Variants in NR2F1-AS1 observed in about 807,000 individuals in gnomAD.
NR2F1-AS1 encodes the protein NR2F1 regulatory antisense RNA 1.
intron 4 of NR2F1-AS1, among the ~76,000 whole-genome samples, chr5:93,471,226 G>A (rs1006923795): frequency 4.6e-5 from 7 of 151,918 alleles, no homozygotes; most frequent in South Asian, 2.1e-4. Flanking sequence ...TCTTCTGTCC[G>A]AAAGTCTCAT....
chr5:93,505,053 T>C (rs148739262), intron 4 of NR2F1-AS1, among the ~76,000 whole-genome samples: 200 of 152,316 alleles, frequency 1.3e-3, no homozygotes, highest in African/African-American at 4.5e-3. Context: ...GCAATCTAGT[T>C]ACTTCCTAAA....
intron 4 of NR2F1-AS1, among the ~76,000 whole-genome samples, chr5:93,503,103 A>C (rs553326442): frequency 6.6e-6 from 1 of 152,322 alleles, no homozygotes; most frequent in East Asian, 1.9e-4. Flanking sequence ...ACATAATTAT[A>C]AAGCAAAACT....
At chr5:93,463,476 C>A (rs993352480) in intron 4 of NR2F1-AS1, among the ~76,000 whole-genome samples, 2 of 152,206 alleles carry the variant, frequency 1.3e-5, no homozygotes, top group African/African-American at 2.4e-5. Flanking sequence ...GAAGCCCCCA[C>A]AGAGAGTCCC....
rs1749341785 is a variant in NR2F1-AS1, at chr5:93,432,245, G to A, written n.639-36703C>T. On this transcript the variant is annotated intron_variant and non_coding_transcript_variant, in intron 4 of 5. Coordinates refer to ENST00000660523, the Ensembl canonical transcript of NR2F1-AS1. ...CAATTCTTTTAGTAAAAATTGACCAGGAAATCATCACTAGACCCGATGATT... is the reference window on the plus strand; with the variant it reads ...CAATTCTTTTAGTAAAAATTGACCAAGAAATCATCACTAGACCCGATGATT... The A allele has an allele frequency of 2.6e-5, 4 of 152,126 alleles. No individual in the cohort carries two copies. In the South Asian group the frequency reaches 8.3e-4, roughly 32 times the overall value. The allele number at this position is 152,126 out of a possible 1,614,324, so 9.4% of individuals were successfully genotyped here.
At chr5:93,429,295 C>T (rs1406496047) in intron 4 of NR2F1-AS1, among the ~76,000 whole-genome samples, 1 of 152,180 alleles carries the variant, frequency 6.6e-6, no homozygotes, top group Non-Finnish European at 1.5e-5. Flanking sequence ...CAAATATCTA[C>T]TTCCTTGCAA....
intron 4 of NR2F1-AS1, among the ~76,000 whole-genome samples, chr5:93,481,710 T>C (rs1750603668): frequency 6.6e-6 from 1 of 152,034 alleles, no homozygotes; most frequent in Non-Finnish European, 1.5e-5. Context: ...CCAAGTATCT[T>C]CTACAACAAC....
intron 4 of NR2F1-AS1, among the ~76,000 whole-genome samples, chr5:93,465,490 G>C (rs1491004107): frequency 6.6e-6 from 1 of 152,228 alleles, no homozygotes; most frequent in Non-Finnish European, 1.5e-5. Flanking sequence ...GTGTAAATTA[G>C]TTCAACTATT....
chr5:93,469,194 G>A (rs879048357), intron 4 of NR2F1-AS1, among the ~76,000 whole-genome samples: 11 of 152,188 alleles, frequency 7.2e-5, no homozygotes, highest in East Asian at 5.8e-4. Flanking sequence ...TGTGACCATC[G>A]TGGGGTGTAC....
intron 4 of NR2F1-AS1, among the ~76,000 whole-genome samples, chr5:93,443,989 C>G (rs1749633469): frequency 6.6e-6 from 1 of 152,120 alleles, no homozygotes; most frequent in South Asian, 2.1e-4. Flanking sequence ...CCTTTACAGA[C>G]AAGCAAATGC....
chr5:93,414,419 A>AT, intron 4 of NR2F1-AS1, among the ~76,000 whole-genome samples: 1 of 152,288 alleles, frequency 6.6e-6, no homozygotes, highest in Middle Eastern at 3.4e-3. Flanking sequence ...CTAGGAATAT[A>AT]TTTGATTTAA....
At chr5:93,581,875 CCT>C (rs146238025), upstream of NR2F1-AS1, among the ~76,000 whole-genome samples, 3,417 of 64,178 alleles carry the variant, frequency 0.053, 499 homozygotes, top group African/African-American at 0.13. Context: ...TCTCCTCTCT[CCT>C]CTCTCTCTCG....
At chr5:93,410,569 T>C (rs577095140) in intron 4 of NR2F1-AS1, 1 of 152,240 alleles carries the variant, frequency 6.6e-6, no homozygotes, top group African/African-American at 2.4e-5. Flanking sequence ...GCACTCGTTA[T>C]GAGAGCCTAA....
intron 4 of NR2F1-AS1, among the ~76,000 whole-genome samples, chr5:93,468,272 C>A (rs1461020165): frequency 6.6e-6 from 1 of 151,876 alleles, no homozygotes; most frequent in Non-Finnish European, 1.5e-5. Context: ...CTCCCACCAA[C>A]AGTGTAAAAG....
At chr5:93,549,402 G>A (rs193235893) in intron 4 of NR2F1-AS1, among the ~76,000 whole-genome samples, 1 of 152,158 alleles carries the variant, frequency 6.6e-6, no homozygotes, top group East Asian at 1.9e-4. Flanking sequence ...AGAAAGTAAG[G>A]GGAAAGGCAC....
intron 4 of NR2F1-AS1, among the ~76,000 whole-genome samples, chr5:93,479,160 T>C (rs1580261276): frequency 2.0e-5 from 3 of 152,174 alleles, no homozygotes; most frequent in East Asian, 3.9e-4. Context: ...ATGGGGACAA[T>C]GGCCTGTATG....
chr5:93,457,432 C>G (rs116833061), intron 4 of NR2F1-AS1, among the ~76,000 whole-genome samples: 2,556 of 152,258 alleles, frequency 0.017, 77 homozygotes, highest in African/African-American at 0.058. Flanking sequence ...GTGTTTCTGC[C>G]AGCACAGGGT....
At chr5:93,581,727 T>TCTCTCTC (rs1561519217), upstream of NR2F1-AS1, among the ~76,000 whole-genome samples, 21 of 44,106 alleles carry the variant, frequency 4.8e-4, 1 homozygote, top group African/African-American at 2.3e-3. Context: ...TCTCTCTCTC[T>TCTCTCTC]CTCTCTCCCC....
chr5:93,472,218 A>G (rs536128191), intron 4 of NR2F1-AS1, among the ~76,000 whole-genome samples: 18 of 151,998 alleles, frequency 1.2e-4, no homozygotes, highest in African/African-American at 4.3e-4. Context: ...TTCGGCTTGC[A>G]TAAGATAATG....
At chr5:93,496,695 T>C (rs1750966968) in intron 4 of NR2F1-AS1, among the ~76,000 whole-genome samples, 2 of 152,212 alleles carry the variant, frequency 1.3e-5, no homozygotes, top group African/African-American at 2.4e-5. Flanking sequence ...ATTCTTAATT[T>C]ACATACCACA....
Sources: allele counts gnomAD v4.1 joint callset (sites outside exome capture counted in the v4.1 genomes callset), GRCh38; gene constraint gnomAD v4.1.1; transcripts MANE v1.5; gene names NCBI Gene and HGNC (gene_info 2026-07-23, HGNC 2026-07-21).